The following CEP95 variants were observed in gnomAD, a reference collection of about 807,000 sequenced individuals.
The protein encoded by CEP95 is centrosomal protein 95.
In CEP95, 98 loss-of-function variants were observed where a neutral mutation model predicts 111.2. That is an observed-to-expected ratio of 0.88 (90% confidence interval 0.75 to 1.04). The LOEUF (loss-of-function observed/expected upper bound fraction) is 1.04, where lower values mean the gene tolerates loss of function less well. Ranked by LOEUF, CEP95 falls within the 50% of genes least tolerant of loss-of-function variation. The probability of loss-of-function intolerance (pLI) is 0.00; values close to 1 mark genes in which losing one functional copy is unlikely to be tolerated. For synonymous variants in CEP95, 323 were observed against 327.1 expected, an observed-to-expected ratio of 0.99 and a Z score of 0.14; for missense variants, 1,027 against 977.2, an observed-to-expected ratio of 1.05 and a Z score of -0.68.
At chr17:64,534,967 C>A (rs1445792538) in intron 17 of CEP95, 3 of 492,168 alleles carry the variant, frequency 6.1e-6, no homozygotes, top group East Asian at 7.7e-5. Flanking sequence ...AGTCTTACTT[C>A]CTCCCTGCCT....
intron 11 of CEP95, 83 bp downstream of exon 11, chr17:64,527,347 C>CCTG: frequency 9.5e-7 from 1 of 1,050,320 alleles, no homozygotes; most frequent in Non-Finnish European, 1.3e-6. Context: ...AACTTATATT[C>CCTG]TAATTTTAAA....
chr17:64,511,436 AG>A (rs1207662029), intron 3 of CEP95, among the ~76,000 whole-genome samples: 3 of 152,212 alleles, frequency 2.0e-5, no homozygotes, highest in African/African-American at 7.2e-5. Flanking sequence ...GCTGAGAAAA[AG>A]AATTCAGCGA....
intron 3 of CEP95, among the ~76,000 whole-genome samples, chr17:64,512,933 T>C (rs1223268698): frequency 6.6e-6 from 1 of 152,210 alleles, no homozygotes; most frequent in Non-Finnish European, 1.5e-5. Context: ...AATGCAGAGC[T>C]GTCTTTGACA....
intron 16 of CEP95, 62 bp from the exon 17 acceptor site, chr17:64,534,523 A>T: frequency 6.9e-7 from 1 of 1,454,726 alleles, no homozygotes; most frequent in Admixed American, 1.7e-5. Context: ...GCAGATGAGA[A>T]CGCTGGAATC....
In CEP95 at chr17:64,530,939, C is replaced by T. The variant is rs782567709; in HGVS notation, c.1460C>T (p.Ala487Val). The T allele has an allele frequency of 7.2e-5, 111 of 1,550,226 alleles. No homozygotes were observed. The highest frequency in any genetic ancestry group is 9.4e-5 in the Non-Finnish European group (108 of 1,144,424). The change falls in exon 13 of 20, where the codon GCA (alanine) becomes GTA (valine). Residue 487 changes from alanine to valine, a missense_variant. Ala to Val is a moderately conservative substitution (Grantham distance 64). Transcript: ENST00000556440. The part of the protein sequence containing the change: ...RQFQAQAFTE[A>V]FERELRRHKV... Reference sequence around the variant, plus strand: ...TTTCCCCTTTAGGCGTTTACTGAAGCATTTGAAAGGGAACTAAGAAGACAT... The same window carrying T: ...TTTCCCCTTTAGGCGTTTACTGAAGTATTTGAAAGGGAACTAAGAAGACAT...
chr17:64,536,725 A>G lies in CEP95; in HGVS notation c.2194A>G (p.Met732Val). 4 of 1,610,120 alleles carry G rather than the reference A, an allele frequency of 2.5e-6. No homozygotes were observed. The highest frequency in any genetic ancestry group is 3.4e-6 in the Non-Finnish European group (4 of 1,178,888). The change falls in exon 18 of 20, where the codon ATG becomes GTG. Residue 732 changes from methionine (M) to valine (V), a missense_variant. By Grantham distance (21) the Met-to-Val change is conservative. Coordinates refer to ENST00000556440, the MANE Select transcript of CEP95 (RefSeq NM_138363.3). ...ACGCCACCAGGATGAACTGGACTCCATGGAGAACTACTATAAGGACCAGGT... is the reference window on the plus strand; with the variant it reads ...ACGCCACCAGGATGAACTGGACTCCGTGGAGAACTACTATAAGGACCAGGT... ...RRRHQDELDS[M>V]ENYYKDQFSL...
At chr17:64,533,234 A>AT (rs782126736) in intron 16 of CEP95, 43 bp downstream of exon 16, 1 of 1,481,778 alleles carries the variant, frequency 6.7e-7, no homozygotes. Flanking sequence ...TGAATTTGTT[A>AT]TATTCATTCC....
intron 10 of CEP95, 36 bp from the exon 11 acceptor site, chr17:64,527,075 A>T (rs1555679246): frequency 1.3e-6 from 2 of 1,583,704 alleles, no homozygotes; most frequent in African/African-American, 1.4e-5. Flanking sequence ...TTCTGCTGAA[A>T]TCAGTGAAAG....
intron 2 of CEP95, among the ~76,000 whole-genome samples, chr17:64,509,779 G>A (rs2038789387): frequency 6.6e-6 from 1 of 151,928 alleles, no homozygotes; most frequent in Non-Finnish European, 1.5e-5. Context: ...GTAGCCCATA[G>A]TTATGGGTTA....
intron 5 of CEP95, among the ~76,000 whole-genome samples, chr17:64,518,275 G>GT (rs1197544587): frequency 6.6e-6 from 1 of 152,158 alleles, no homozygotes; most frequent in Non-Finnish European, 1.5e-5. Context: ...AAAGTAGAGA[G>GT]TTTTTTTAAA....
rs1378747666 is a variant in CEP95, at chr17:64,508,270, T to G, written c.20-322T>G. On this transcript the variant is annotated intron_variant, in intron 1 of 19. Coordinates refer to ENST00000556440, the MANE Select transcript of CEP95 (RefSeq NM_138363.3). ...CATAATATTCCTGTTTACTTGTAAA[T>G]ATGTTTTAACTAAAAACACCCATGT... is the stretch of plus-strand genomic sequence containing the variant. The G allele has an allele frequency of 5.1e-6, 5 of 985,904 alleles. No individual in the cohort carries two copies. The African/African-American group carries it at 8.7e-5, about 17-fold the overall frequency. The allele number at this position is 985,904 out of a possible 1,614,324, so 61.1% of individuals were successfully genotyped here.
At chr17:64,535,711 A>AC (rs1968605903) in intron 17 of CEP95, 1 of 152,168 alleles carries the variant, frequency 6.6e-6, no homozygotes, top group Non-Finnish European at 1.5e-5. Flanking sequence ...ATATAGAGTT[A>AC]CCCTATGACC....
rs980360940 is a variant in CEP95 at position 64,520,786 on chromosome 17, A to G, written c.590-616A>G. Among the ~76,000 whole-genome samples the G allele has an allele frequency of 9.8e-5, 15 of 152,306 alleles. No homozygotes were observed. In the East Asian group the frequency reaches 1.9e-3, roughly 20 times the overall value. ...AGCTAAGACCCTAACTCTGGTGTCT[A>G]TTCATACCAAGACATGTCCATAAAA... is the stretch of plus-strand genomic sequence containing the variant. On this transcript the variant is annotated intron_variant, in intron 6 of 19. Coordinates refer to ENST00000556440, the MANE Select transcript of CEP95 (RefSeq NM_138363.3).
At chr17:64,508,400 A>G (rs2038697832) in intron 1 of CEP95, 192 bp from the exon 2 acceptor site, 1 of 984,216 alleles carries the variant, frequency 1.0e-6, no homozygotes, top group Non-Finnish European at 1.2e-6. Flanking sequence ...AAATCATCCC[A>G]AGAAATTAAA....
chr17:64,525,453 T>C (rs971763311), intron 8 of CEP95, among the ~76,000 whole-genome samples: 6 of 152,250 alleles, frequency 3.9e-5, no homozygotes, highest in African/African-American at 1.4e-4. Context: ...ACTTGAATAC[T>C]TTGTACTAGT....
chr17:64,509,727 G>A (rs1407722722), intron 2 of CEP95, among the ~76,000 whole-genome samples: 1 of 151,776 alleles, frequency 6.6e-6, no homozygotes, highest in African/African-American at 2.4e-5. Context: ...ATATAAGAAC[G>A]CTCCTTGAAT....
intron 5 of CEP95, among the ~76,000 whole-genome samples, chr17:64,517,689 A>G (rs1369014492): frequency 7.0e-6 from 1 of 142,718 alleles, no homozygotes; most frequent in Non-Finnish European, 1.5e-5. Flanking sequence ...ACACCTGGCT[A>G]ATTTTTTTTT....
At chr17:64,507,324 A>G (rs576699313) in intron 1 of CEP95, 2 of 1,439,828 alleles carry the variant, frequency 1.4e-6, no homozygotes, top group Non-Finnish European at 1.8e-6. Flanking sequence ...GCTGTGGGAG[A>G]GAGAGAGGCA....
In CEP95 at chr17:64,537,062, A is replaced by G. The variant is rs782325464; in HGVS notation, c.2239A>G (p.Ile747Val). The G allele has an allele frequency of 1.4e-5, 22 of 1,612,804 alleles. No individual in the cohort carries two copies. Among genetic ancestry groups the G allele is most frequent in the African/African-American group, 2.7e-5 (2 of 74,918 alleles). ...ACAGTTTTCATTGCTGGCAGAAGCC[A>G]TATCACAGGAACATCAAGAACTTAA... ...KDQFSLLAEA[I>V]SQEHQELKAR... Residue 747 changes from isoleucine (I) to valine (V), a missense_variant, in exon 19 of 20, where the codon ATA becomes GTA. Physicochemically the swap from Ile to Val is conservative, Grantham distance 29 (BLOSUM62 3). Coordinates refer to ENST00000556440, the MANE Select transcript of CEP95 (RefSeq NM_138363.3).
Sources: allele counts gnomAD v4.1 joint callset (sites outside exome capture counted in the v4.1 genomes callset), GRCh38; gene constraint gnomAD v4.1.1; transcripts MANE v1.5; gene names NCBI Gene and HGNC (gene_info 2026-07-23, HGNC 2026-07-21).